GRAMD1C: variants seen among roughly 807,000 people sequenced by gnomAD.
GRAMD1C encodes GRAM domain containing 1C.
GRAMD1C carries 89 observed loss-of-function variants against 97.8 expected under a neutral mutation model. That is an observed-to-expected ratio of 0.91 (90% confidence interval 0.77 to 1.09). GRAMD1C has a LOEUF of 1.09. Ranked by LOEUF, GRAMD1C falls within the 50% of genes least tolerant of loss-of-function variation. The pLI, the probability that GRAMD1C is intolerant of heterozygous loss-of-function variation, is 0.00. For synonymous variants in GRAMD1C, 256 were observed against 267.0 expected, an observed-to-expected ratio of 0.96 and a Z score of 0.40; for missense variants, 740 against 766.4, an observed-to-expected ratio of 0.97 and a Z score of 0.41.
At chr3:113,862,563 C>G (rs917926472) in intron 2 of GRAMD1C, among the ~76,000 whole-genome samples, 1 of 152,078 alleles carries the variant, frequency 6.6e-6, no homozygotes, top group Non-Finnish European at 1.5e-5. Flanking sequence ...ACATGCTCTA[C>G]GAATAATTTG....
chr3:113,886,751 AGTT>A (rs1354413334), intron 6 of GRAMD1C, among the ~76,000 whole-genome samples: 5 of 151,018 alleles, frequency 3.3e-5, no homozygotes, highest in African/African-American at 7.3e-5. Flanking sequence ...CAGAACCAAA[AGTT>A]GTTTTTTTTT....
At chr3:113,895,549 C>T (rs1935903394) in intron 6 of GRAMD1C, among the ~76,000 whole-genome samples, 1 of 152,010 alleles carries the variant, frequency 6.6e-6, no homozygotes, top group Non-Finnish European at 1.5e-5. Flanking sequence ...ACTGGAATTC[C>T]AAAAGTTTTC....
chr3:113,904,608 CTG>C (rs1936291107), intron 8 of GRAMD1C, among the ~76,000 whole-genome samples: 1 of 134,296 alleles, frequency 7.4e-6, no homozygotes, highest in Non-Finnish European at 1.7e-5. Flanking sequence ...TGGAAAGAAT[CTG>C]TTTTTTTTTT....
At position 113,933,587 on chromosome 3, in the gene GRAMD1C, A is replaced by G. The variant is rs759052577; in HGVS notation, c.1286A>G (p.His429Arg). ...GTACTGACACATGATGTCCCCTACC[A>G]TGATTACTTCTATACCGTGAACAGA... is the stretch of plus-strand genomic sequence containing the variant. Reference protein sequence around the residue: ...SEVLTHDVPYHDYFYTVNRYC... With the variant: ...SEVLTHDVPYRDYFYTVNRYC... Residue 429 changes from histidine to arginine, a missense_variant, in exon 12 of 18, where the codon CAT becomes CGT. His to Arg is a conservative substitution (Grantham distance 29, BLOSUM62 0). Coordinates refer to ENST00000358160, the MANE Select transcript of GRAMD1C (RefSeq NM_017577.5). 2 of 1,604,684 alleles carry G rather than the reference A, an allele frequency of 1.2e-6. No individual in the cohort carries two copies. The highest frequency in any genetic ancestry group is 3.3e-5 in the Admixed American group (2 of 60,008).
intron 10 of GRAMD1C, chr3:113,919,169 T>C (rs1936943061): frequency 3.4e-6 from 1 of 292,466 alleles, no homozygotes; most frequent in Non-Finnish European, 6.6e-6. Flanking sequence ...GGGCTGACAG[T>C]TCTCCTGAGT....
At position 113,913,459 on chromosome 3, in the gene GRAMD1C, A is replaced by G. The variant is rs1395968471; in HGVS notation, c.953-2242A>G. Among the ~76,000 whole-genome samples the G allele has an allele frequency of 4.7e-5, 7 of 149,858 alleles. No individual in the cohort carries two copies. In the East Asian group the frequency reaches 1.4e-3, roughly 29 times the overall value. Reference sequence around the variant, plus strand: ...AAAAAAAAAAAAAAAAAAGAATCCTATAAAAGAAACATTATAAGTTGCATA... The same window carrying G: ...AAAAAAAAAAAAAAAAAAGAATCCTGTAAAAGAAACATTATAAGTTGCATA... On this transcript the variant is annotated intron_variant, in intron 9 of 17. Coordinates refer to ENST00000358160, the MANE Select transcript of GRAMD1C (RefSeq NM_017577.5).
intron 17 of GRAMD1C, among the ~76,000 whole-genome samples, chr3:113,943,014 A>G (rs1281020112): frequency 3.3e-5 from 5 of 151,844 alleles, no homozygotes; most frequent in Admixed American, 6.6e-5. Flanking sequence ...CTCCTTTTCC[A>G]TTTTCCTTGC....
intron 2 of GRAMD1C, among the ~76,000 whole-genome samples, chr3:113,862,278 A>G (rs531502163): frequency 1.3e-5 from 2 of 152,276 alleles, no homozygotes; most frequent in African/African-American, 2.4e-5. Flanking sequence ...GGCTTATTTC[A>G]TCCCTACAGC....
In GRAMD1C at chr3:113,844,511, T is replaced by C. The variant is rs767446669; in HGVS notation, c.36T>C (p.Asn12=). The C allele has an allele frequency of 1.3e-6, 2 of 1,597,096 alleles. No individual in the cohort carries two copies. The highest frequency in any genetic ancestry group is 1.7e-6 in the Non-Finnish European group (2 of 1,168,358). The change falls in exon 2 of 18, where the codon AAT becomes AAC. Residue 12 remains asparagine (N), a synonymous_variant. Coordinates refer to ENST00000358160, the MANE Select transcript of GRAMD1C (RefSeq NM_017577.5). The stretch of plus-strand genomic sequence containing the variant: ...TTGATATTTGTTTCCAGGTGATGAA[T>C]GAAGGGGATTCAAGCCTTGCCACCG... The part of the protein sequence containing the change: ...EGAPTVRQVM[N]EGDSSLATDL...
intron 6 of GRAMD1C, among the ~76,000 whole-genome samples, chr3:113,895,906 C>A (rs187690374): frequency 2.2e-4 from 33 of 152,284 alleles, no homozygotes; most frequent in African/African-American, 7.9e-4. Flanking sequence ...CTTTTTAACA[C>A]CTGATCTGTC....
At chr3:113,911,861 G>A (rs1164429611) in intron 9 of GRAMD1C, among the ~76,000 whole-genome samples, 2 of 151,928 alleles carry the variant, frequency 1.3e-5, no homozygotes, top group Non-Finnish European at 2.9e-5. Flanking sequence ...CCAAGTAGCT[G>A]GGACTACAGG....
At chr3:113,933,847 T>G (rs1469968728) in intron 12 of GRAMD1C, among the ~76,000 whole-genome samples, 194 bp downstream of exon 12, 1 of 152,198 alleles carries the variant, frequency 6.6e-6, no homozygotes, top group Admixed American at 6.5e-5. Flanking sequence ...CACCCGGAGC[T>G]ACGTGATCCA....
At chr3:113,916,224 T>C (rs1056053558) in intron 10 of GRAMD1C, among the ~76,000 whole-genome samples, 1 of 152,210 alleles carries the variant, frequency 6.6e-6, no homozygotes, top group African/African-American at 2.4e-5. Context: ...GTATGAATTC[T>C]CTGTGACTCA....
chr3:113,841,902 G>A (rs1282072702), intron 1 of GRAMD1C, among the ~76,000 whole-genome samples: 1 of 152,046 alleles, frequency 6.6e-6, no homozygotes, highest in Non-Finnish European at 1.5e-5. Context: ...TTGCTGTATT[G>A]CCCAGCTTGT....
In GRAMD1C at chr3:113,939,886, T is replaced by A. The variant is rs1166345758; in HGVS notation, c.1692T>A (p.Phe564Leu). 1 of 1,516,822 alleles carries A rather than the reference T, an allele frequency of 6.6e-7. No homozygotes were observed. Among genetic ancestry groups the A allele is most frequent in the Admixed American group, 1.7e-5 (1 of 59,886 alleles). 94.0% of individuals were successfully genotyped at this position (1,516,822 alleles called of 1,614,324 possible). A position where few individuals can be genotyped will look rare whatever the true frequency, so the allele number is the denominator to read the frequency against. The change falls in exon 16 of 18, where the codon TTT (phenylalanine) becomes TTA (leucine). Residue 564 changes from phenylalanine (F) to leucine (L), a missense_variant and splice_region_variant. Coordinates refer to ENST00000358160, the MANE Select transcript of GRAMD1C (RefSeq NM_017577.5). ...TTAACATATAATTTGCTCTGCCTAG[T>A]GTGTTGTTATTAGTTTTGTTGAATG... ...NVTLIVVMSI[F>L]VLLLVLLNVT...
intron 5 of GRAMD1C, among the ~76,000 whole-genome samples, chr3:113,878,072 G>A (rs539073656): frequency 1.4e-4 from 22 of 152,198 alleles, no homozygotes; most frequent in African/African-American, 2.6e-4. Flanking sequence ...GAGCCACTGC[G>A]CCCAGCCTGG....
chr3:113,843,345 G>T (rs1897214), intron 1 of GRAMD1C, among the ~76,000 whole-genome samples: 17,534 of 151,872 alleles, frequency 0.12, 1,346 homozygotes, highest in African/African-American at 0.21. Context: ...CCAAAGTGCT[G>T]GGATTATAGG....
At chr3:113,932,363 C>T (rs557466670) in intron 11 of GRAMD1C, among the ~76,000 whole-genome samples, 6 of 152,016 alleles carry the variant, frequency 3.9e-5, no homozygotes, top group African/African-American at 1.4e-4. Flanking sequence ...CTTTGGAAGC[C>T]CCCCCAACCC....
intron 10 of GRAMD1C, among the ~76,000 whole-genome samples, chr3:113,918,189 G>A (rs1251069362): frequency 6.6e-6 from 1 of 152,132 alleles, no homozygotes; most frequent in Non-Finnish European, 1.5e-5. Context: ...TTTTGAAAAT[G>A]TGGGATGCCT....
Sources: allele counts gnomAD v4.1 joint callset (sites outside exome capture counted in the v4.1 genomes callset), GRCh38; gene constraint gnomAD v4.1.1; transcripts MANE v1.5; gene names NCBI Gene and HGNC (gene_info 2026-07-23, HGNC 2026-07-21).